ZC3H14: variants seen among roughly 807,000 people sequenced by gnomAD.
The protein encoded by ZC3H14 is zinc finger CCCH domain-containing protein 14.
ZC3H14 carries 31 observed loss-of-function variants against 92.4 expected under a neutral mutation model. The observed-to-expected ratio is 0.34, with a 90% CI of 0.25 to 0.45. ZC3H14 has a LOEUF of 0.45. Among genes scored for constraint, ZC3H14 ranks in the 20% least tolerant of loss-of-function variants. The probability of loss-of-function intolerance (pLI) is 1.00; values close to 1 mark genes in which losing one functional copy is unlikely to be tolerated. For missense variants in ZC3H14, 781 were observed against 897.3 expected (o/e 0.87, Z 1.66); for synonymous variants, 321 against 300.9 (o/e 1.07, Z -0.69).
intron 8 of ZC3H14, among the ~76,000 whole-genome samples, chr14:88,577,171 C>G (rs1055992291): frequency 6.6e-5 from 10 of 152,124 alleles, no homozygotes; most frequent in Non-Finnish European, 1.3e-4. Flanking sequence ...ACACAAAATT[C>G]AACAGGTTTT....
chr14:88,563,249 C>T (rs1595442812), intron 1 of ZC3H14, 80 bp downstream of exon 1: 1 of 1,553,708 alleles, frequency 6.4e-7, no homozygotes, highest in East Asian at 2.4e-5. Flanking sequence ...GACTGTGGGC[C>T]CGGGTGGACG....
Position 88,598,454 on chromosome 14 carries a change from A to G in ZC3H14, c.1354+1646A>G, listed in dbSNP as rs935173312. On this transcript the variant is annotated intron_variant, in intron 10 of 16. Transcript: ENST00000251038. ...CACCATTAATTATTATGTAATGTTT[A>G]TTTAACCCTCCCCCAACCATTGTCA... Among the ~76,000 whole-genome samples, 4 of 152,112 alleles carry G rather than the reference A, an allele frequency of 2.6e-5. 1 individual carries two copies. In the South Asian group the frequency reaches 6.2e-4, roughly 24 times the overall value.
At chr14:88,592,089 G>A (rs1410660375) in intron 9 of ZC3H14, 5 of 152,170 alleles carry the variant, frequency 3.3e-5, no homozygotes, top group African/African-American at 1.2e-4. Flanking sequence ...CTATTCTAAA[G>A]TTGGGCTGGA....
Position 88,608,541 on chromosome 14 carries a change from G to T in ZC3H14, c.1869-726G>T, listed in dbSNP as rs77631094. On this transcript the variant is annotated intron_variant, in intron 13 of 16. Transcript: ENST00000251038. ...TGTATGTTTGTTGAGAGGCAAGGGT[G>T]GGGGGGCTTTGTTTGTGCCTCGGAC... 245 of 251,468 alleles carry T rather than the reference G, an allele frequency of 9.7e-4. 4 individuals are homozygous for T. The East Asian group carries it at 0.026, about 26-fold the overall frequency. The allele number at this position is 251,468 out of a possible 1,614,324, so 15.6% of individuals were successfully genotyped here.
At chr14:88,567,414 CT>C (rs1475857914) in intron 2 of ZC3H14, among the ~76,000 whole-genome samples, 1 of 147,954 alleles carries the variant, frequency 6.8e-6, no homozygotes, top group Admixed American at 6.7e-5. Flanking sequence ...CGCGCCTGGC[CT>C]TTTTTCTTTT....
chr14:88,622,774 T>C lies in ZC3H14; in HGVS notation c.*11023T>C. On this transcript the variant is annotated 3_prime_UTR_variant, in exon 17 of 17. Transcript: ENST00000251038. ...TCATTATTGGCTACTATAATTTTTATTATAAACAAATACCAAGTTATAAGC... is the reference window on the plus strand; with the variant it reads ...TCATTATTGGCTACTATAATTTTTACTATAAACAAATACCAAGTTATAAGC... 1 of 1,284,090 alleles carries C rather than the reference T, an allele frequency of 7.8e-7. No homozygotes were observed. The highest frequency in any genetic ancestry group is 1.1e-6 in the Non-Finnish European group (1 of 941,798). 79.5% of individuals were successfully genotyped at this position (1,284,090 alleles called of 1,614,324 possible). A position where few individuals can be genotyped will look rare whatever the true frequency, so the allele number is the denominator to read the frequency against.
chr14:88,563,682 G>A lies in ZC3H14; in HGVS notation c.68G>A (p.Gly23Glu), dbSNP rs1428560007. The A allele has an allele frequency of 3.7e-6, 6 of 1,614,108 alleles. No homozygotes were observed. Residue 23 changes from glycine to glutamate, a missense_variant, in exon 2 of 17, where the codon GGA becomes GAA. By Grantham distance (98) the Gly-to-Glu change is moderately conservative. This residue lies in a region of ZC3H14 where 106 missense variants were observed against 154.2 expected (regional missense o/e 0.69). Transcript: ENST00000251038. ...ATTAAGGGGAAATTACAAGAATTAG[G>A]AGCTTATGTTGGTAAGTGTTTTTTT... ...SAIKGKLQEL[G>E]AYVDEELPDY...
intron 3 of ZC3H14, among the ~76,000 whole-genome samples, chr14:88,569,437 A>ATACATAAAT (rs1226418712): frequency 5.9e-5 from 9 of 152,170 alleles, no homozygotes; most frequent in Admixed American, 5.2e-4. Context: ...CTTTGCTTTT[A>ATACATAAAT]TACATAAATT....
chr14:88,573,982 G>A (rs898341450), intron 6 of ZC3H14, among the ~76,000 whole-genome samples: 3 of 152,062 alleles, frequency 2.0e-5, no homozygotes, highest in African/African-American at 7.2e-5. Context: ...CTTCCCCATG[G>A]CTTGCTCCTA....
At chr14:88,577,419 A>G (rs909392359) in intron 8 of ZC3H14, among the ~76,000 whole-genome samples, 5 of 152,110 alleles carry the variant, frequency 3.3e-5, no homozygotes, top group African/African-American at 1.2e-4. Context: ...ATGAATACAT[A>G]TGTACTATAT....
intron 3 of ZC3H14, among the ~76,000 whole-genome samples, chr14:88,569,002 C>A (rs2080055187): frequency 6.6e-6 from 1 of 151,968 alleles, no homozygotes; most frequent in South Asian, 2.1e-4. Context: ...CCATTGCAGT[C>A]CCCTCCTTCC....
rs778325916 is a variant in ZC3H14, at chr14:88,625,116, C to T, written c.*13365C>T. On this transcript the variant is annotated 3_prime_UTR_variant, in exon 17 of 17. Transcript: ENST00000251038. ...CATCACCACTGATGGTACCTGTAAA[C>T]GTCAAGTTATTCTGAAAAGGAGTGG... The T allele has an allele frequency of 4.3e-6, 7 of 1,613,424 alleles. No individual in the cohort carries two copies. Among genetic ancestry groups the T allele is most frequent in the African/African-American group, 2.7e-5 (2 of 74,864 alleles).
chr14:88,595,061 C>A, intron 9 of ZC3H14: 2 of 1,613,260 alleles, frequency 1.2e-6, no homozygotes, highest in South Asian at 2.2e-5. Flanking sequence ...GAATCACAGT[C>A]AAGAACTACT....
chr14:88,580,310 AAATG>A, intron 9 of ZC3H14, among the ~76,000 whole-genome samples: 1 of 152,352 alleles, frequency 6.6e-6, no homozygotes, highest in Non-Finnish European at 1.5e-5. Flanking sequence ...GTCTCAAAAT[AAATG>A]AAGACTAAAT....
At position 88,571,094 on chromosome 14, in the gene ZC3H14, G is replaced by A; in HGVS notation, c.205G>A (p.Val69Ile). ...TIRFTVWLHG[V>I]LDKLRSVTTE... ...TGTTTTTTTCCTCAGGCTTCATGGT[G>A]TATTAGATAAACTTCGCTCTGTTAC... The change falls in exon 4 of 17, where the codon GTA (valine) becomes ATA (isoleucine). Residue 69 changes from valine to isoleucine, a missense_variant. Physicochemically the swap from Val to Ile is conservative, Grantham distance 29. Around this residue, in one of 3 missense-constraint regions of ZC3H14, gnomAD observed 106 missense variants for 154.2 expected, o/e 0.69. Coordinates refer to ENST00000251038, the MANE Select transcript of ZC3H14 (RefSeq NM_024824.5). 2 of 1,579,046 alleles carry A rather than the reference G, an allele frequency of 1.3e-6. No homozygotes were observed. The highest frequency in any genetic ancestry group is 8.6e-7 in the Non-Finnish European group (1 of 1,161,766).
At position 88,621,923 on chromosome 14, in the gene ZC3H14, G is replaced by A. The variant is rs1238982938; in HGVS notation, c.*10172G>A. On this transcript the variant is annotated 3_prime_UTR_variant, in exon 17 of 17. Transcript: ENST00000251038. ...TAAATACCTGAAAATACATAAATAC[G>A]TGATTCTTAACTATAGTCATCCTAC... 3 of 455,382 alleles carry A rather than the reference G, an allele frequency of 6.6e-6. No homozygotes were observed. Among genetic ancestry groups the A allele is most frequent in the Middle Eastern group, 3.3e-4 (1 of 3,072 alleles). The allele number at this position is 455,382 out of a possible 1,614,324, so 28.2% of individuals were successfully genotyped here. A position where few individuals can be genotyped will look rare whatever the true frequency, so the allele number is the denominator to read the frequency against.
In ZC3H14 at chr14:88,611,967, T is replaced by C; in HGVS notation, c.*216T>C. ...GGGTGTTTTTGTTTTGTTTTTACTATGAAAAGACAGCTTAAGGAAGAGCTA... is the reference window on the plus strand; with the variant it reads ...GGGTGTTTTTGTTTTGTTTTTACTACGAAAAGACAGCTTAAGGAAGAGCTA... On this transcript the variant is annotated 3_prime_UTR_variant, in exon 17 of 17. Transcript: ENST00000251038. 1 of 631,844 alleles carries C rather than the reference T, an allele frequency of 1.6e-6. No homozygotes were observed. Among genetic ancestry groups the C allele is most frequent in the Non-Finnish European group, 2.7e-6 (1 of 368,550 alleles). The allele number at this position is 631,844 out of a possible 1,614,324, so 39.1% of individuals were successfully genotyped here. A position where few individuals can be genotyped will look rare whatever the true frequency, so the allele number is the denominator to read the frequency against.
intron 16 of ZC3H14, 108 bp from the exon 17 acceptor site, chr14:88,611,637 T>G: frequency 7.6e-7 from 1 of 1,322,560 alleles, no homozygotes; most frequent in Non-Finnish European, 1.1e-6. Flanking sequence ...TGTAATCTTA[T>G]GACCAAATAT....
Position 88,615,890 on chromosome 14 carries a change from A to C in ZC3H14, c.*4139A>C. On this transcript the variant is annotated 3_prime_UTR_variant, in exon 17 of 17. Transcript: ENST00000251038. ...AGAAGAAAATTGCAGGGAGTTAATT[A>C]TGTTTTTAGATTTTCATAACAGTTT... is the stretch of plus-strand genomic sequence containing the variant. The C allele has an allele frequency of 1.3e-6, 2 of 1,592,062 alleles. No individual in the cohort carries two copies. The highest frequency in any genetic ancestry group is 1.7e-6 in the Non-Finnish European group (2 of 1,168,732).
Sources: allele counts gnomAD v4.1 joint callset (sites outside exome capture counted in the v4.1 genomes callset), GRCh38; gene constraint gnomAD v4.1.1; regional missense constraint gnomAD v4.1.1; transcripts MANE v1.5; gene names NCBI Gene and HGNC (gene_info 2026-07-23, HGNC 2026-07-21).